DOCK3: variants seen among roughly 807,000 people sequenced by gnomAD.
DOCK3 encodes dedicator of cytokinesis protein 3.
Under a neutral mutation model 265.6 loss-of-function variants are expected in DOCK3, and 60 were observed. The observed-to-expected ratio is 0.23, with a 90% CI of 0.18 to 0.28. The LOEUF (loss-of-function observed/expected upper bound fraction) is 0.28. DOCK3 is among the 10% of genes least tolerant of loss of function. The probability of loss-of-function intolerance (pLI) is 1.00; values close to 1 mark genes in which losing one functional copy is unlikely to be tolerated. For missense variants in DOCK3, 1,981 were observed against 2,594.3 expected (o/e 0.76, Z 5.14); for synonymous variants, 881 against 938.0 (o/e 0.94, Z 1.11).
chr3:51,231,765 A>G (rs2078132919), intron 19 of DOCK3, among the ~76,000 whole-genome samples: 1 of 152,198 alleles, frequency 6.6e-6, no homozygotes, highest in South Asian at 2.1e-4. Flanking sequence ...TAGTTTAATT[A>G]AAGTCACGTT....
chr3:50,845,573 T>C (rs2046041049), intron 3 of DOCK3, among the ~76,000 whole-genome samples: 2 of 152,080 alleles, frequency 1.3e-5, no homozygotes, highest in Admixed American at 1.3e-4. Flanking sequence ...GAAAGGCAGA[T>C]TGGACCTATA....
intron 3 of DOCK3, among the ~76,000 whole-genome samples, chr3:50,850,079 T>C (rs777337110): frequency 1.1e-4 from 17 of 151,768 alleles, no homozygotes; most frequent in Non-Finnish European, 2.5e-4. Flanking sequence ...CTTGGATTGC[T>C]TTAGAAGTTT....
chr3:51,360,658 TC>T (rs2086667790), intron 47 of DOCK3, 26 bp downstream of exon 47: 1 of 1,613,118 alleles, frequency 6.2e-7, no homozygotes, highest in Non-Finnish European at 8.5e-7. Context: ...TGGGGAGGGT[TC>T]CCTCTGGAGA....
At chr3:51,149,288 G>C (rs1197818491) in intron 10 of DOCK3, among the ~76,000 whole-genome samples, 3 of 152,150 alleles carry the variant, frequency 2.0e-5, no homozygotes, top group Non-Finnish European at 4.4e-5. Flanking sequence ...TCTGCAAACA[G>C]GGACAATTTG....
At chr3:50,710,846 C>T (rs745947259) in intron 1 of DOCK3, among the ~76,000 whole-genome samples, 1 of 152,148 alleles carries the variant, frequency 6.6e-6, no homozygotes, top group East Asian at 1.9e-4. Flanking sequence ...AAAATAATGG[C>T]ATTTGCAGCA....
intron 37 of DOCK3, 66 bp downstream of exon 37, chr3:51,339,094 G>T (rs2085068399): frequency 3.0e-6 from 4 of 1,343,456 alleles, no homozygotes; most frequent in Non-Finnish European, 3.0e-6. Flanking sequence ...TGTACAATAG[G>T]CAGAGAAAGG....
chr3:50,903,349 T>C (rs2049303629), intron 4 of DOCK3, among the ~76,000 whole-genome samples: 1 of 152,202 alleles, frequency 6.6e-6, no homozygotes, highest in Non-Finnish European at 1.5e-5. Context: ...CTTCAATACC[T>C]AGTTTATTGA....
At chr3:51,177,633 T>C (rs2087029902) in intron 12 of DOCK3, among the ~76,000 whole-genome samples, 2 of 152,142 alleles carry the variant, frequency 1.3e-5, no homozygotes, top group South Asian at 4.1e-4. Context: ...GAGCAAAGCA[T>C]AGGAGAAAGC....
intron 1 of DOCK3, among the ~76,000 whole-genome samples, chr3:50,775,008 G>T (rs868336440): frequency 1.3e-5 from 2 of 151,652 alleles, no homozygotes; most frequent in Admixed American, 6.6e-5. Flanking sequence ...TCCCCAGTTG[G>T]TCATGATGCA....
At chr3:51,145,730 A>T (rs923684392) in intron 9 of DOCK3, among the ~76,000 whole-genome samples, 4 of 152,088 alleles carry the variant, frequency 2.6e-5, no homozygotes, top group African/African-American at 9.7e-5. Flanking sequence ...CCCTAAAGTG[A>T]TTCTCAAGAG....
chr3:51,200,662 A>G (rs1260415601), intron 12 of DOCK3, among the ~76,000 whole-genome samples: 1 of 151,930 alleles, frequency 6.6e-6, no homozygotes, highest in Non-Finnish European at 1.5e-5. Flanking sequence ...GGTTCAGGAA[A>G]TAGACAGAGA....
In DOCK3 at chr3:50,675,977, A is replaced by G. The variant is rs933794706; in HGVS notation, c.37+677A>G. ...AGTGTTAAACTCCAGAAGCTAAATA[A>G]TTCTTACAATATTCAACTTCTTTAA... On this transcript the variant is annotated intron_variant, in intron 1 of 52. Coordinates refer to ENST00000266037, the MANE Select transcript of DOCK3 (RefSeq NM_004947.5). This position sits in a 1 kb window ranked among gnomAD's most constrained non-coding sequence, Gnocchi z 6.1. 3.3e-5 allele frequency among the ~76,000 whole-genome samples: 5 copies of G among 152,174 alleles called. No individual in the cohort carries two copies. Among genetic ancestry groups the G allele is most frequent in the African/African-American group, 1.2e-4 (5 of 41,430 alleles).
intron 12 of DOCK3, among the ~76,000 whole-genome samples, chr3:51,189,021 T>C (rs374286081): frequency 2.7e-4 from 41 of 152,350 alleles, no homozygotes; most frequent in African/African-American, 9.1e-4. Context: ...ATCTCCATAC[T>C]GTTTTCCATA....
At chr3:50,700,673 C>CAT (rs34283391) in intron 1 of DOCK3, among the ~76,000 whole-genome samples, 118,925 of 152,000 alleles carry the variant, frequency 0.78, 47,585 homozygotes, top group Middle Eastern at 0.89. Flanking sequence ...TATCTTTATC[C>CAT]ATATCCATTG....
chr3:50,698,550 A>C (rs2035822553), intron 1 of DOCK3, among the ~76,000 whole-genome samples: 1 of 9,012 alleles, frequency 1.1e-4, no homozygotes, highest in African/African-American at 2.0e-4. Flanking sequence ...TTTGCTATAT[A>C]CCCAGGTGTG....
At chr3:50,779,676 G>A (rs887151309) in intron 2 of DOCK3, among the ~76,000 whole-genome samples, 7 of 152,180 alleles carry the variant, frequency 4.6e-5, no homozygotes, top group African/African-American at 1.2e-4. Context: ...GAGCCACTGC[G>A]CCTGGCCTAA....
chr3:50,866,426 G>A (rs1473623968), intron 3 of DOCK3, among the ~76,000 whole-genome samples: 1 of 151,808 alleles, frequency 6.6e-6, no homozygotes, highest in Non-Finnish European at 1.5e-5. Flanking sequence ...CAGAGGTTGT[G>A]GTTAGCTGAG....
Position 50,675,397 on chromosome 3 carries a change from C to A in DOCK3, c.37+97C>A. 1 of 1,071,742 alleles carries A rather than the reference C, an allele frequency of 9.3e-7. No homozygotes were observed. Among genetic ancestry groups the A allele is most frequent in the Non-Finnish European group, 1.2e-6 (1 of 857,692 alleles). 66.4% of individuals were successfully genotyped at this position (1,071,742 alleles called of 1,614,324 possible). A position where few individuals can be genotyped will look rare whatever the true frequency, so the allele number is the denominator to read the frequency against. On this transcript the variant is annotated intron_variant, in intron 1 of 52. Coordinates refer to ENST00000266037, the MANE Select transcript of DOCK3 (RefSeq NM_004947.5). The surrounding 1 kb of genome is among the most constrained non-coding windows in gnomAD (Gnocchi z 6.1). ...TCGCATCCTCGTGCCCCCGCCACTG[C>A]CCGCAGGCTGCGCGGCCTCGGCGCG...
At chr3:50,698,257 A>C (rs962809378) in intron 1 of DOCK3, among the ~76,000 whole-genome samples, 3 of 152,126 alleles carry the variant, frequency 2.0e-5, no homozygotes, top group Non-Finnish European at 2.9e-5. Flanking sequence ...CATTTCATAT[A>C]AATGGAATCA....
Sources: allele counts gnomAD v4.1 joint callset (sites outside exome capture counted in the v4.1 genomes callset), GRCh38; gene constraint gnomAD v4.1.1; non-coding constraint Gnocchi (gnomAD v3.1); transcripts MANE v1.5; gene names NCBI Gene and HGNC (gene_info 2026-07-23, HGNC 2026-07-21).